Variants in DNAH2 observed in about 807,000 individuals in gnomAD.
DNAH2 encodes axonemal beta dynein heavy chain 2.
DNAH2 carries 323 observed loss-of-function variants against 523.5 expected under a neutral mutation model. The ratio of observed to expected loss-of-function variants is 0.62; its 90% CI spans 0.56 to 0.68. The LOEUF (loss-of-function observed/expected upper bound fraction) is 0.68, where lower values mean the gene tolerates loss of function less well. Ranked by LOEUF, DNAH2 falls within the 30% of genes least tolerant of loss-of-function variation. DNAH2 has a pLI of 0.00. For synonymous variants in DNAH2, 2,093 were observed against 2,177.4 expected, an observed-to-expected ratio of 0.96 and a Z score of 1.08; for missense variants, 4,907 against 5,701.5, an observed-to-expected ratio of 0.86 and a Z score of 4.49.
chr17:7,739,610 T>C (rs578247330), intron 8 of DNAH2, 123 bp from the exon 9 acceptor site: 28 of 889,550 alleles, frequency 3.1e-5, no homozygotes, highest in Admixed American at 2.3e-4. Context: ...TCTTCTTCTT[T>C]TTTTTTTTTT....
intron 7 of DNAH2, among the ~76,000 whole-genome samples, chr17:7,736,245 T>C (rs1223482689): frequency 6.6e-6 from 1 of 151,592 alleles, no homozygotes; most frequent in South Asian, 2.1e-4. Flanking sequence ...ACACAGGAGG[T>C]AAGAGTGGCC....
chr17:7,719,793 G>C lies in DNAH2; in HGVS notation c.59G>C (p.Ser20Thr), dbSNP rs2074541464. The change falls in exon 2 of 86, where the codon AGC becomes ACC. Residue 20 changes from serine (S) to threonine (T), a missense_variant. By Grantham distance (58) the Ser-to-Thr change is moderately conservative. Around this residue, in one of 3 missense-constraint regions of DNAH2, gnomAD observed 2,806 missense variants for 3,190.8 expected, o/e 0.88. Transcript: ENST00000572933. ...AGTGGCCGAGGAAGCTCCCAGGCAAGCTGGTCAGGGCGGGCCACTCGGGCT... is the reference window on the plus strand; with the variant it reads ...AGTGGCCGAGGAAGCTCCCAGGCAACCTGGTCAGGGCGGGCCACTCGGGCT... The part of the protein sequence containing the change: ...RLSGRGSSQA[S>T]WSGRATRAAV... 1 of 1,613,976 alleles carries C rather than the reference G, an allele frequency of 6.2e-7. No homozygotes were observed. Among genetic ancestry groups the C allele is most frequent in the African/African-American group, 1.3e-5 (1 of 74,948 alleles).
intron 15 of DNAH2, 50 bp from the exon 16 acceptor site, chr17:7,759,372 T>C (rs1187151789): frequency 6.4e-7 from 1 of 1,560,178 alleles, no homozygotes; most frequent in East Asian, 2.2e-5. Context: ...TCCCAGGATG[T>C]GCCCTGTCTT....
chr17:7,721,886 T>C (rs79077351), intron 2 of DNAH2, among the ~76,000 whole-genome samples: 2,538 of 152,250 alleles, frequency 0.017, 41 homozygotes, highest in Non-Finnish European at 0.024. Context: ...GAGCCCCAAC[T>C]TCTCCATGTG....
In DNAH2 at chr17:7,793,055, C is replaced by A. The variant is rs372173393; in HGVS notation, c.7419C>A (p.Phe2473Leu). 6 of 1,614,148 alleles carry A rather than the reference C, an allele frequency of 3.7e-6. No individual in the cohort carries two copies. The South Asian group carries it at 6.6e-5, about 18-fold the overall frequency. Reference protein sequence around the residue: ...EKRTKGVYVPFGGKSMITFMD... With the variant: ...EKRTKGVYVPLGGKSMITFMD... The stretch of plus-strand genomic sequence containing the variant: ...GAACCAAGGGTGTCTACGTGCCATT[C>A]GGGGGCAAAAGCATGATCACCTTTA... Residue 2473 changes from phenylalanine (F) to leucine (L), a missense_variant, in exon 48 of 86, where the codon TTC becomes TTA. Coordinates refer to ENST00000572933, the MANE Select transcript of DNAH2 (RefSeq NM_020877.5).
rs1411668106 is a variant in DNAH2 at position 7,804,246 on chromosome 17, T to C, written c.8973-10T>C. 2 of 1,613,896 alleles carry C rather than the reference T, an allele frequency of 1.2e-6. No homozygotes were observed. The highest frequency in any genetic ancestry group is 2.7e-5 in the African/African-American group (2 of 75,044). Reference sequence around the variant, plus strand: ...CGCCTCTCCACACCCTGTCCTATTCTTTCCCCCAGGTTGCTGGGAGAAAAA... The same window carrying C: ...CGCCTCTCCACACCCTGTCCTATTCCTTCCCCCAGGTTGCTGGGAGAAAAA... On this transcript the variant is annotated splice_polypyrimidine_tract_variant and intron_variant, in intron 58 of 85. Coordinates refer to ENST00000572933, the MANE Select transcript of DNAH2 (RefSeq NM_020877.5).
intron 7 of DNAH2, among the ~76,000 whole-genome samples, chr17:7,736,613 A>G (rs1031011200): frequency 3.3e-5 from 5 of 152,236 alleles, no homozygotes; most frequent in Non-Finnish European, 7.3e-5. Flanking sequence ...GAGACCTGAA[A>G]TGATCGCTAC....
chr17:7,740,847 T>G lies in DNAH2; in HGVS notation c.1544T>G (p.Leu515Arg). Residue 515 changes from leucine (L) to arginine (R), a missense_variant, in exon 11 of 86, where the codon CTC becomes CGC. Around this residue, in one of 3 missense-constraint regions of DNAH2, gnomAD observed 2,806 missense variants for 3,190.8 expected, o/e 0.88. Coordinates refer to ENST00000572933, the MANE Select transcript of DNAH2 (RefSeq NM_020877.5). ...ACTTATGACAAGAAGGCGGTGGATC[T>G]CTACATGCTGTTCAATAGCGAGCTG... is the stretch of plus-strand genomic sequence containing the variant. ...KRTYDKKAVD[L>R]YMLFNSELAL... 1 of 1,612,374 alleles carries G rather than the reference T, an allele frequency of 6.2e-7. No homozygotes were observed. The highest frequency in any genetic ancestry group is 8.5e-7 in the Non-Finnish European group (1 of 1,178,534).
chr17:7,792,982 C>T lies in DNAH2; in HGVS notation c.7346C>T (p.Thr2449Ile). ...SVLVVNMSAQTTSNNVQSIIE... is the reference protein window; with the variant it reads ...SVLVVNMSAQITSNNVQSIIE... ...ATTCATTCGGTACCTTTTCACCAGA[C>T]CACATCCAATAACGTGCAGAGCATC... Residue 2449 changes from threonine (T) to isoleucine (I), a missense_variant and splice_region_variant, in exon 48 of 86, where the codon ACC becomes ATC. Coordinates refer to ENST00000572933, the MANE Select transcript of DNAH2 (RefSeq NM_020877.5). 1 of 1,607,850 alleles carries T rather than the reference C, an allele frequency of 6.2e-7. No individual in the cohort carries two copies.
chr17:7,798,747 T>C lies in DNAH2; in HGVS notation c.8559+29T>C. The C allele has an allele frequency of 1.3e-6, 2 of 1,599,318 alleles. No individual in the cohort carries two copies. The highest frequency in any genetic ancestry group is 1.7e-6 in the Non-Finnish European group (2 of 1,173,780). The stretch of plus-strand genomic sequence containing the variant: ...GGATTCCTTCCACACCCTTGACCAG[T>C]CAGTTCTTTGGCCTGCCTAGCTGAC... On this transcript the variant is annotated intron_variant, in intron 55 of 85. Coordinates refer to ENST00000572933, the MANE Select transcript of DNAH2 (RefSeq NM_020877.5). This position sits in a 1 kb window ranked among gnomAD's most constrained non-coding sequence, Gnocchi z 5.5.
Position 7,801,875 on chromosome 17 carries a change from C to T in DNAH2, c.8833-3C>T. 1 of 1,614,170 alleles carries T rather than the reference C, an allele frequency of 6.2e-7. No homozygotes were observed. The highest frequency in any genetic ancestry group is 2.2e-5 in the East Asian group (1 of 44,888). On this transcript the variant is annotated splice_polypyrimidine_tract_variant and splice_region_variant and intron_variant, in intron 57 of 85. Coordinates refer to ENST00000572933, the MANE Select transcript of DNAH2 (RefSeq NM_020877.5). ...CCTTTTCATCCTGTGTCACTGGCCT[C>T]AGATCCACAGGAAGGTGGCCCAGAT... is the stretch of plus-strand genomic sequence containing the variant.
chr17:7,804,248 TC>T lies in DNAH2; in HGVS notation c.8973-3del, dbSNP rs778264213. 5.0e-6 allele frequency: 8 copies of T among 1,613,792 alleles called. No individual in the cohort carries two copies. The South Asian group carries it at 8.8e-5, about 18-fold the overall frequency. ...CCTCTCCACACCCTGTCCTATTCTTTCCCCCAGGTTGCTGGGAGAAAAACGG... is the reference window on the plus strand; with the variant it reads ...CCTCTCCACACCCTGTCCTATTCTTTCCCCAGGTTGCTGGGAGAAAAACGG... On this transcript the variant is annotated splice_polypyrimidine_tract_variant and splice_region_variant and intron_variant, in intron 58 of 85. Transcript: ENST00000572933.
chr17:7,815,269 A>T (rs1477220492), intron 63 of DNAH2, among the ~76,000 whole-genome samples: 1 of 152,248 alleles, frequency 6.6e-6, no homozygotes. Context: ...CGAAAGGATG[A>T]AACTTACCAG....
chr17:7,770,124 G>T, intron 24 of DNAH2, 128 bp from the exon 25 acceptor site: 1 of 1,283,342 alleles, frequency 7.8e-7, no homozygotes, highest in Non-Finnish European at 1.1e-6. Flanking sequence ...TTGCATCTTC[G>T]AGCCTGTTTA....
intron 61 of DNAH2, among the ~76,000 whole-genome samples, chr17:7,805,677 C>G (rs2077348954): frequency 6.6e-6 from 1 of 151,958 alleles, no homozygotes; most frequent in Non-Finnish European, 1.5e-5. Flanking sequence ...ATGACGAAAA[C>G]CCATCTCTAC....
intron 8 of DNAH2, chr17:7,737,965 G>C (rs2075190807): frequency 1.4e-6 from 1 of 702,966 alleles, no homozygotes; most frequent in Non-Finnish European, 2.6e-6. Context: ...TTCTGCAGAT[G>C]AGCAATGAGA....
At chr17:7,758,348 A>C (rs2075902291) in intron 13 of DNAH2, 147 bp from the exon 14 acceptor site, 1 of 1,036,178 alleles carries the variant, frequency 9.7e-7, no homozygotes, top group South Asian at 1.9e-5. Flanking sequence ...CATTGCAAAA[A>C]GTTCTTTTGG....
chr17:7,735,764 T>C (rs1235304292), intron 7 of DNAH2, among the ~76,000 whole-genome samples: 2 of 151,146 alleles, frequency 1.3e-5, no homozygotes, highest in Non-Finnish European at 2.9e-5. Flanking sequence ...TTTATTATTA[T>C]AATTTTGAGA....
rs768592225 is a variant in DNAH2 at position 7,778,170 on chromosome 17, C to A, written c.5341C>A (p.Leu1781Met). Reference sequence around the variant, plus strand: ...CTCGGGCCGGCTCGTCATCACCCCCCTGACGGACAGGTCTGCCATGTGGGA... The same window carrying A: ...CTCGGGCCGGCTCGTCATCACCCCCATGACGGACAGGTCTGCCATGTGGGA... The part of the protein sequence containing the change: ...GNSGRLVITP[L>M]TDRCYMTLTT... Residue 1781 changes from leucine (L) to methionine (M), a missense_variant, in exon 34 of 86, where the codon CTG becomes ATG. Around this residue, in one of 3 missense-constraint regions of DNAH2, gnomAD observed 2,806 missense variants for 3,190.8 expected, o/e 0.88. Transcript: ENST00000572933. 15 of 1,614,146 alleles carry A rather than the reference C, an allele frequency of 9.3e-6. No homozygotes were observed. Among genetic ancestry groups the A allele is most frequent in the African/African-American group, 5.3e-5 (4 of 74,954 alleles).
Sources: gnomAD v4.1 joint callset for allele counts (sites outside exome capture counted in the v4.1 genomes callset) on GRCh38, gnomAD v4.1.1 for gene constraint, gnomAD v4.1.1 regional missense constraint, Gnocchi (gnomAD v3.1) non-coding constraint, MANE v1.5 for transcripts, NCBI Gene and HGNC (gene_info 2026-07-23, HGNC 2026-07-21) for gene names.